Variants in VWC2 observed in about 807,000 individuals in gnomAD.
The protein encoded by VWC2 is brorin.
VWC2 carries 14 observed loss-of-function variants against 29.8 expected under a neutral mutation model. The ratio of observed to expected loss-of-function variants is 0.47; its 90% CI spans 0.31 to 0.74. The LOEUF (loss-of-function observed/expected upper bound fraction) is 0.74. VWC2 is among the 30% of genes least tolerant of loss of function. The probability of loss-of-function intolerance (pLI) is 0.05; values close to 1 mark genes in which losing one functional copy is unlikely to be tolerated. For missense variants in VWC2, 457 were observed against 459.8 expected (o/e 0.99, Z 0.05); for synonymous variants, 213 against 199.0 (o/e 1.07, Z -0.59).
chr7:49,776,551 C>G (rs1053877746), intron 2 of VWC2, among the ~76,000 whole-genome samples: 2 of 152,184 alleles, frequency 1.3e-5, no homozygotes, highest in African/African-American at 4.8e-5. Context: ...TTAAGGGAGA[C>G]TATTCATATA....
Position 49,775,393 on chromosome 7 carries a change from G to C in VWC2, c.-43G>C. 7.5e-7 allele frequency: 1 copy of C among 1,330,192 alleles called. No homozygotes were observed. The highest frequency in any genetic ancestry group is 1.9e-5 in the South Asian group (1 of 51,292). 82.4% of individuals were successfully genotyped at this position (1,330,192 alleles called of 1,614,324 possible). The stretch of plus-strand genomic sequence containing the variant: ...GGGCTGTGAATGCGACTCGCCCCTC[G>C]GCCGCGCTCCCCGCCCGCCCGCCCG... On this transcript the variant is annotated 5_prime_UTR_variant, in exon 2 of 4. Transcript: ENST00000340652.
chr7:49,846,255 G>A (rs1789942497), intron 3 of VWC2, among the ~76,000 whole-genome samples: 1 of 152,074 alleles, frequency 6.6e-6, no homozygotes, highest in Non-Finnish European at 1.5e-5. Context: ...CAACCTGCAT[G>A]TCGCCACTTC....
chr7:49,831,013 G>A (rs531850265), intron 3 of VWC2, among the ~76,000 whole-genome samples: 2 of 152,098 alleles, frequency 1.3e-5, no homozygotes, highest in Admixed American at 6.5e-5. Context: ...TGGAAAGTTT[G>A]TTAATTACCC....
intron 3 of VWC2, among the ~76,000 whole-genome samples, chr7:49,881,466 C>T (rs1396083678): frequency 6.6e-6 from 1 of 152,156 alleles, no homozygotes; most frequent in African/African-American, 2.4e-5. Context: ...CCTAACCCTA[C>T]CTCACCTCTA....
At position 49,783,890 on chromosome 7, in the gene VWC2, A is replaced by T. The variant is rs1011951003; in HGVS notation, c.696+7759A>T. ...CATAGTGAGACCCTGTCTCTAAAAAAAATAATAATAATAAAATAAAATAAA... is the reference window on the plus strand; with the variant it reads ...CATAGTGAGACCCTGTCTCTAAAAATAATAATAATAATAAAATAAAATAAA... On this transcript the variant is annotated intron_variant, in intron 2 of 3. Transcript: ENST00000340652. Among the ~76,000 whole-genome samples the T allele has an allele frequency of 7.9e-5, 12 of 151,938 alleles. 1 individual carries two copies. In the East Asian group the frequency reaches 1.4e-3, roughly 17 times the overall value.
chr7:49,882,123 A>G (rs1431387423), intron 3 of VWC2, among the ~76,000 whole-genome samples: 1 of 152,282 alleles, frequency 6.6e-6, no homozygotes. Flanking sequence ...TATATGTGCC[A>G]TAATACTTGA....
chr7:49,821,424 C>T (rs1427715702), intron 3 of VWC2, among the ~76,000 whole-genome samples: 5 of 152,184 alleles, frequency 3.3e-5, no homozygotes, highest in Non-Finnish European at 7.3e-5. Flanking sequence ...CATGAATGCT[C>T]ATTGATAGCA....
At chr7:49,883,126 G>T (rs1429072093) in intron 3 of VWC2, among the ~76,000 whole-genome samples, 1 of 152,046 alleles carries the variant, frequency 6.6e-6, no homozygotes, top group Non-Finnish European at 1.5e-5. Context: ...AACTTTGAGG[G>T]GAAATGAGGA....
At chr7:49,856,316 G>C (rs1282946246) in intron 3 of VWC2, among the ~76,000 whole-genome samples, 1 of 152,080 alleles carries the variant, frequency 6.6e-6, no homozygotes, top group Non-Finnish European at 1.5e-5. Flanking sequence ...AAATCTGGTT[G>C]TTTAGAGAGT....
At chr7:49,827,101 G>T (rs1348145147) in intron 3 of VWC2, among the ~76,000 whole-genome samples, 1 of 151,736 alleles carries the variant, frequency 6.6e-6, no homozygotes, top group Non-Finnish European at 1.5e-5. Flanking sequence ...TTACAATTTT[G>T]AAGTTTTAAA....
chr7:49,870,099 A>G (rs1323660579), intron 3 of VWC2, among the ~76,000 whole-genome samples: 1 of 152,154 alleles, frequency 6.6e-6, no homozygotes, highest in Non-Finnish European at 1.5e-5. Context: ...ACACAAGGAA[A>G]CCTGGAGTGA....
In VWC2 at chr7:49,916,669, T is replaced by C. The variant is rs1793743209; in HGVS notation, c.*4484T>C. 1 of 152,242 alleles carries C rather than the reference T, an allele frequency of 6.6e-6. No homozygotes were observed. Among genetic ancestry groups the C allele is most frequent in the East Asian group, 1.9e-4 (1 of 5,204 alleles). The allele number at this position is 152,242 out of a possible 1,614,324, so 9.4% of individuals were successfully genotyped here. A position where few individuals can be genotyped will look rare whatever the true frequency, so the allele number is the denominator to read the frequency against. ...ATCTATATGTTAAAGGCTTGTTGAA[T>C]TGTATTCCATCTATTAGTTCAGAGT... On this transcript the variant is annotated 3_prime_UTR_variant, in exon 4 of 4. Transcript: ENST00000340652.
intron 3 of VWC2, among the ~76,000 whole-genome samples, chr7:49,863,528 C>T (rs1171360395): frequency 6.6e-6 from 1 of 152,062 alleles, no homozygotes; most frequent in Non-Finnish European, 1.5e-5. Flanking sequence ...ACCTCCTGGG[C>T]TCAAGCGATC....
intron 3 of VWC2, among the ~76,000 whole-genome samples, chr7:49,867,606 G>T (rs934271491): frequency 2.6e-5 from 4 of 152,178 alleles, no homozygotes; most frequent in African/African-American, 9.7e-5. Flanking sequence ...GGTGCTGGAG[G>T]CACAGGAGAC....
intron 3 of VWC2, among the ~76,000 whole-genome samples, chr7:49,857,209 A>G (rs992050034): frequency 6.6e-6 from 1 of 152,046 alleles, no homozygotes; most frequent in Non-Finnish European, 1.5e-5. Flanking sequence ...ACCCCTGGCA[A>G]CCACCATTCT....
At chr7:49,892,876 C>T (rs1792203808) in intron 3 of VWC2, among the ~76,000 whole-genome samples, 1 of 152,170 alleles carries the variant, frequency 6.6e-6, no homozygotes, top group African/African-American at 2.4e-5. Context: ...AAATGCTGCC[C>T]ACTCTGCCCC....
intron 3 of VWC2, among the ~76,000 whole-genome samples, chr7:49,858,775 G>T (rs570600913): frequency 6.6e-6 from 1 of 152,190 alleles, no homozygotes; most frequent in East Asian, 1.9e-4. Flanking sequence ...CTTCAGTTTT[G>T]TTACTTATGT....
chr7:49,777,069 T>C (rs1401064499), intron 2 of VWC2, among the ~76,000 whole-genome samples: 2 of 152,228 alleles, frequency 1.3e-5, no homozygotes, highest in East Asian at 3.9e-4. Flanking sequence ...GTAAAATCTC[T>C]GCCAGTGGGC....
At chr7:49,786,824 G>A (rs1788310975) in intron 2 of VWC2, among the ~76,000 whole-genome samples, 4 of 152,086 alleles carry the variant, frequency 2.6e-5, no homozygotes, top group Admixed American at 1.3e-4. Context: ...ATTTTTTAAT[G>A]GAGTTATTTG....
Sources: gnomAD v4.1 joint callset for allele counts (sites outside exome capture counted in the v4.1 genomes callset) on GRCh38, gnomAD v4.1.1 for gene constraint, MANE v1.5 for transcripts, NCBI Gene and HGNC (gene_info 2026-07-23, HGNC 2026-07-21) for gene names.